The following DNAH7 variants were observed in gnomAD, a reference collection of about 807,000 sequenced individuals.
The protein encoded by DNAH7 is axonemal beta dynein heavy chain 7.
A neutral mutation model predicts 444.6 loss-of-function variants in DNAH7; 397 were observed. That is an observed-to-expected ratio of 0.89 (90% CI 0.82 to 0.97). The LOEUF (loss-of-function observed/expected upper bound fraction) is 0.97, where lower values mean the gene tolerates loss of function less well. DNAH7 is among the 50% of genes least tolerant of loss of function. The pLI is 0.00. For missense variants in DNAH7, 4,902 were observed against 4,800.8 expected, an observed-to-expected ratio of 1.02 and a Z score of -0.62; for synonymous variants, 1,636 against 1,624.4, an observed-to-expected ratio of 1.01 and a Z score of -0.17.
intron 35 of DNAH7, among the ~76,000 whole-genome samples, 194 bp downstream of exon 35, chr2:195,884,391 C>T (rs577759025): frequency 3.9e-4 from 59 of 152,298 alleles, no homozygotes; most frequent in African/African-American, 1.4e-3. Flanking sequence ...CATGGCTATA[C>T]AGAAAGAAAG....
At chr2:195,745,609 G>C (rs922406592) in intron 63 of DNAH7, among the ~76,000 whole-genome samples, 1 of 152,218 alleles carries the variant, frequency 6.6e-6, no homozygotes, top group African/African-American at 2.4e-5. Context: ...CAGAGACAAA[G>C]GTCGGGTTAC....
chr2:195,962,226 G>A (rs1482364276), intron 17 of DNAH7, among the ~76,000 whole-genome samples: 1 of 152,152 alleles, frequency 6.6e-6, no homozygotes, highest in East Asian at 1.9e-4. Context: ...AGAAGTAGGT[G>A]TATATACTTA....
In DNAH7 at chr2:195,960,638, A is replaced by G. The variant is rs1382134001; in HGVS notation, c.2513T>C (p.Ile838Thr). ...ATTACAGATCACTTGAATGAGAGGAATGTGCTGCTTGAAATCTTCCACCTT... is the reference window on the plus strand; with the variant it reads ...ATTACAGATCACTTGAATGAGAGGAGTGTGCTGCTTGAAATCTTCCACCTT... ...RSKVEDFKQHIPLIQVICNPG... is the reference protein window; with the variant it reads ...RSKVEDFKQHTPLIQVICNPG... The change falls in exon 18 of 65, where the codon ATT becomes ACT. Residue 838 changes from isoleucine (I) to threonine (T), a missense_variant. By Grantham distance (89) the Ile-to-Thr change is moderately conservative (BLOSUM62 -1). Transcript: ENST00000312428. 6.2e-7 allele frequency: 1 copy of G among 1,614,120 alleles called. No homozygotes were observed.
At chr2:195,787,797 G>A (rs1336072336) in intron 57 of DNAH7, among the ~76,000 whole-genome samples, 2 of 152,118 alleles carry the variant, frequency 1.3e-5, no homozygotes, top group African/African-American at 4.8e-5. Flanking sequence ...GGAAAGTAGG[G>A]AGAGGATGGT....
At chr2:195,979,650 G>A (rs1038709244) in intron 15 of DNAH7, among the ~76,000 whole-genome samples, 5 of 151,348 alleles carry the variant, frequency 3.3e-5, no homozygotes, top group African/African-American at 1.2e-4. Flanking sequence ...TGAAATAAAG[G>A]AAAGAATACC....
chr2:196,001,788 T>G lies in DNAH7; in HGVS notation c.1060A>C (p.Ser354Arg), dbSNP rs747639872. The G allele has an allele frequency of 2.5e-5, 41 of 1,613,328 alleles. No homozygotes were observed. In the South Asian group the frequency reaches 4.4e-4, roughly 17 times the overall value. Reference protein sequence around the residue: ...KKKQLPTGDSSAKLESFFNCA... With the variant: ...KKKQLPTGDSRAKLESFFNCA... ...TTGAAAAAAGATTCCAATTTGGCACTGCTGTCACCAGTTGGCAATTGCTTT... is the reference window on the plus strand; with the variant it reads ...TTGAAAAAAGATTCCAATTTGGCACGGCTGTCACCAGTTGGCAATTGCTTT... The change falls in exon 11 of 65, where the codon AGT (serine) becomes CGT (arginine). Residue 354 changes from serine to arginine, a missense_variant. Coordinates refer to ENST00000312428, the MANE Select transcript of DNAH7 (RefSeq NM_018897.3).
At chr2:195,999,436 G>C (rs1239785999) in intron 12 of DNAH7, among the ~76,000 whole-genome samples, 1 of 152,080 alleles carries the variant, frequency 6.6e-6, no homozygotes, top group Non-Finnish European at 1.5e-5. Flanking sequence ...AACTCCAAAG[G>C]AATCAACTTA....
At chr2:195,874,208 T>C (rs1010693842) in intron 38 of DNAH7, among the ~76,000 whole-genome samples, 3 of 152,200 alleles carry the variant, frequency 2.0e-5, no homozygotes, top group African/African-American at 2.4e-5. Flanking sequence ...ACAGTTCATA[T>C]AGTGACTTCA....
rs1412135835 is a variant in DNAH7, at chr2:195,926,420, C to T, written c.3612+6G>A. The T allele has an allele frequency of 1.5e-5, 23 of 1,522,948 alleles. No homozygotes were observed. Among genetic ancestry groups the T allele is most frequent in the Non-Finnish European group, 2.0e-5 (23 of 1,140,284 alleles). The allele number at this position is 1,522,948 out of a possible 1,614,324, so 94.3% of individuals were successfully genotyped here. ...TAAAAAAACCCGAGGGTTAATAAAA[C>T]CTTACCTTTATCCCCATTGGAATAG... On this transcript the variant is annotated splice_donor_region_variant and intron_variant, in intron 22 of 64. Transcript: ENST00000312428.
intron 12 of DNAH7, among the ~76,000 whole-genome samples, chr2:195,997,550 C>T (rs1303356398): frequency 1.3e-5 from 2 of 152,036 alleles, no homozygotes; most frequent in African/African-American, 4.8e-5. Flanking sequence ...TCCTAATTAA[C>T]AGTTATGAGA....
At chr2:195,895,806 T>A (rs755434285) in intron 29 of DNAH7, among the ~76,000 whole-genome samples, 2 of 152,216 alleles carry the variant, frequency 1.3e-5, no homozygotes, top group South Asian at 4.1e-4. Flanking sequence ...AATTAGACCA[T>A]ATACATACTA....
chr2:195,971,838 G>A (rs1410611731), intron 16 of DNAH7, among the ~76,000 whole-genome samples: 1 of 152,076 alleles, frequency 6.6e-6, no homozygotes, highest in Non-Finnish European at 1.5e-5. Flanking sequence ...ATGCTCATGA[G>A]AGTGAGCAAT....
intron 8 of DNAH7, among the ~76,000 whole-genome samples, chr2:196,022,050 C>T (rs924064704): frequency 1.3e-5 from 2 of 152,038 alleles, no homozygotes; most frequent in Non-Finnish European, 2.9e-5. Context: ...TCGCTTGAAA[C>T]CCAGAGGCAG....
At chr2:195,943,956 C>T (rs964369440) in intron 19 of DNAH7, among the ~76,000 whole-genome samples, 1 of 152,096 alleles carries the variant, frequency 6.6e-6, no homozygotes, top group Non-Finnish European at 1.5e-5. Flanking sequence ...AATATGCTCG[C>T]TTTTAGGTAT....
At chr2:196,018,763 G>A (rs958921437) in intron 9 of DNAH7, among the ~76,000 whole-genome samples, 19 of 151,986 alleles carry the variant, frequency 1.3e-4, no homozygotes, top group African/African-American at 2.7e-4. Context: ...TAGCACAACC[G>A]GAGGACTACA....
chr2:195,835,644 G>A (rs2124965409), intron 47 of DNAH7, among the ~76,000 whole-genome samples: 1 of 152,198 alleles, frequency 6.6e-6, no homozygotes, highest in African/African-American at 2.4e-5. Context: ...AGGAGATCGA[G>A]ACCATCCTGG....
chr2:195,802,898 C>G (rs1179741039), intron 54 of DNAH7, among the ~76,000 whole-genome samples: 2 of 152,168 alleles, frequency 1.3e-5, no homozygotes, highest in Non-Finnish European at 2.9e-5. Context: ...TCATTCTACA[C>G]TCTATATCCA....
intron 30 of DNAH7, chr2:195,893,406 T>G (rs1460623598): frequency 6.6e-6 from 1 of 152,310 alleles, no homozygotes; most frequent in African/African-American, 2.4e-5. Flanking sequence ...GGTTAATTTT[T>G]GTATTTTTAG....
At chr2:195,834,417 T>C in intron 47 of DNAH7, 57 bp from the exon 48 acceptor site, 1 of 1,516,120 alleles carries the variant, frequency 6.6e-7, no homozygotes, top group Non-Finnish European at 8.9e-7. Context: ...CTACACTACT[T>C]AATCATGTTC....
Sources: gnomAD v4.1 joint callset for allele counts (sites outside exome capture counted in the v4.1 genomes callset) on GRCh38, gnomAD v4.1.1 for gene constraint, MANE v1.5 for transcripts, NCBI Gene and HGNC (gene_info 2026-07-23, HGNC 2026-07-21) for gene names.